Variants in RTTN observed in about 807,000 individuals in gnomAD.
RTTN encodes the protein rotatin.
RTTN carries 182 observed loss-of-function variants against 269.2 expected under a neutral mutation model. The ratio of observed to expected loss-of-function variants is 0.68; its 90% CI spans 0.60 to 0.76. The LOEUF is 0.76. Among genes scored for constraint, RTTN ranks in the 30% least tolerant of loss-of-function variants. RTTN has a pLI of 0.00. For synonymous variants in RTTN, 1,006 were observed against 963.5 expected, an observed-to-expected ratio of 1.04 and a Z score of -0.82; for missense variants, 2,545 against 2,608.6, an observed-to-expected ratio of 0.98 and a Z score of 0.53.
At chr18:70,051,273 A>G (rs1389324362) in intron 39 of RTTN, 138 bp downstream of exon 39, 15 of 1,015,412 alleles carry the variant, frequency 1.5e-5, no homozygotes, top group East Asian at 2.9e-5. Flanking sequence ...AAATTTTTCA[A>G]AGCAAGCACC....
Position 70,017,392 on chromosome 18 carries a change from T to C in RTTN, c.6421+15A>G, listed in dbSNP as rs1186320185. On this transcript the variant is annotated intron_variant, in intron 46 of 48. Coordinates refer to ENST00000640769, the MANE Select transcript of RTTN (RefSeq NM_173630.4). The stretch of plus-strand genomic sequence containing the variant: ...ATAACTACATATATAAATGTATGTG[T>C]GTGTGAAAACTTACCATTAGCCAGG... 3 of 1,608,418 alleles carry C rather than the reference T, an allele frequency of 1.9e-6. No individual in the cohort carries two copies. The highest frequency in any genetic ancestry group is 8.5e-7 in the Non-Finnish European group (1 of 1,175,750).
chr18:70,114,821 G>A (rs976983860), intron 26 of RTTN, among the ~76,000 whole-genome samples: 9 of 151,740 alleles, frequency 5.9e-5, no homozygotes, highest in Admixed American at 3.3e-4. Context: ...AAAAAAGGAC[G>A]AGAAAAACAA....
intron 40 of RTTN, among the ~76,000 whole-genome samples, chr18:70,032,349 T>A (rs776439544): frequency 3.9e-5 from 6 of 152,028 alleles, no homozygotes; most frequent in Non-Finnish European, 7.4e-5. Context: ...ACTAGCAGAG[T>A]GCTCTAGCAG....
At chr18:70,009,036 G>A (rs1044130979) in intron 46 of RTTN, 17 of 152,214 alleles carry the variant, frequency 1.1e-4, no homozygotes, top group African/African-American at 4.1e-4. Flanking sequence ...ACCCACCAAG[G>A]GAAGCCCATC....
intron 32 of RTTN, among the ~76,000 whole-genome samples, chr18:70,076,128 A>G (rs1405212443): frequency 6.6e-6 from 1 of 151,798 alleles, no homozygotes; most frequent in African/African-American, 2.4e-5. Flanking sequence ...CTATTACACA[A>G]TTTTTCTCTT....
chr18:70,046,845 T>C (rs148594108), intron 40 of RTTN, among the ~76,000 whole-genome samples: 4 of 152,304 alleles, frequency 2.6e-5, no homozygotes, highest in Non-Finnish European at 2.9e-5. Flanking sequence ...GGTAACCAGA[T>C]TTTGTAGCAC....
At chr18:70,176,872 A>T in intron 10 of RTTN, 27 bp from the exon 11 acceptor site, 1 of 1,588,196 alleles carries the variant, frequency 6.3e-7, no homozygotes, top group Non-Finnish European at 8.6e-7. Flanking sequence ...AACATGAAAC[A>T]GAAGAAAACA....
intron 14 of RTTN, 87 bp downstream of exon 14, chr18:70,165,975 A>ATTT: frequency 7.5e-7 from 1 of 1,326,568 alleles, no homozygotes; most frequent in Non-Finnish European, 1.0e-6. Flanking sequence ...CTCATACAAA[A>ATTT]GGTCAAGTAA....
chr18:70,022,291 A>G (rs577530297), intron 44 of RTTN, among the ~76,000 whole-genome samples: 1 of 152,094 alleles, frequency 6.6e-6, no homozygotes, highest in East Asian at 1.9e-4. Context: ...GAATTTTCTC[A>G]TCATTCCCAT....
rs140323127 is a variant in RTTN, at chr18:70,190,964, G to C, written c.1008-245C>G. 8.8e-4 allele frequency among the ~76,000 whole-genome samples: 134 copies of C among 152,274 alleles called. 1 individual carries two copies. The East Asian group carries it at 0.02, about 23-fold the overall frequency. On this transcript the variant is annotated intron_variant, in intron 8 of 48. Transcript: ENST00000640769. ...GCACTTTGGGAGGCCAAGGCGGGCA[G>C]ATCACCTGAGGTCAGGAGTTCAAGA... is the stretch of plus-strand genomic sequence containing the variant.
At chr18:70,193,603 T>C (rs142619747) in intron 7 of RTTN, 150 bp from the exon 8 acceptor site, 94 of 577,212 alleles carry the variant, frequency 1.6e-4, no homozygotes, top group African/African-American at 1.6e-3. Context: ...AAGATCAAAC[T>C]TTTCTATAAG....
chr18:70,176,062 T>G (rs1410697222), intron 11 of RTTN, among the ~76,000 whole-genome samples: 1 of 152,086 alleles, frequency 6.6e-6, no homozygotes, highest in Admixed American at 6.6e-5. Context: ...ACCAATTATA[T>G]ATGTATATAT....
chr18:70,087,469 G>GT (rs1182134738), intron 31 of RTTN, among the ~76,000 whole-genome samples: 1 of 150,736 alleles, frequency 6.6e-6, no homozygotes, highest in Non-Finnish European at 1.5e-5. Flanking sequence ...AGGAGCTGCT[G>GT]TTTTTTTTCA....
chr18:70,141,437 G>A (rs1599744161), intron 19 of RTTN, among the ~76,000 whole-genome samples: 1 of 152,130 alleles, frequency 6.6e-6, no homozygotes, highest in South Asian at 2.1e-4. Context: ...GGAATACTAT[G>A]CAGCCATAAA....
In RTTN at chr18:70,040,693, G is replaced by A. The variant is rs148838924; in HGVS notation, c.5541+7278C>T. Among the ~76,000 whole-genome samples, 67 of 152,242 alleles carry A rather than the reference G, an allele frequency of 4.4e-4. 1 individual carries two copies. In the East Asian group the frequency reaches 0.013, roughly 29 times the overall value. ...TACACATTCTTCTCCTCAGCATATG[G>A]ATCATTCTGTAGGATATTCCATATG... On this transcript the variant is annotated intron_variant, in intron 40 of 48. Transcript: ENST00000640769.
At position 70,168,919 on chromosome 18, in the gene RTTN, CGTTT is replaced by C; in HGVS notation, c.1621_1624del (p.Lys541GlufsTer28). 1.2e-6 allele frequency: 2 copies of C among 1,613,262 alleles called. No homozygotes were observed. The highest frequency in any genetic ancestry group is 1.7e-6 in the Non-Finnish European group (2 of 1,179,722). On this transcript the variant is annotated frameshift_variant, in exon 12 of 49. Transcript: ENST00000640769. LOFTEE classifies it high-confidence loss of function. ...AATTGAATAAACGGCCTCTGCAGTT[CGTTT>C]ATAAATACTGTAGTTTTCAGAATTC... is the stretch of plus-strand genomic sequence containing the variant.
chr18:70,063,496 T>C (rs181289328), intron 35 of RTTN, among the ~76,000 whole-genome samples: 4 of 152,194 alleles, frequency 2.6e-5, no homozygotes, highest in Non-Finnish European at 5.9e-5. Context: ...AGTCCAGGTG[T>C]TCGAGACTAC....
At chr18:70,053,977 G>T (rs2057744813) in intron 38 of RTTN, among the ~76,000 whole-genome samples, 154 bp downstream of exon 38, 1 of 152,100 alleles carries the variant, frequency 6.6e-6, no homozygotes, top group Non-Finnish European at 1.5e-5. Context: ...ACCATTAAAA[G>T]GCATCCAAAC....
At chr18:70,056,851 A>G (rs1232898973) in intron 37 of RTTN, among the ~76,000 whole-genome samples, 1 of 152,198 alleles carries the variant, frequency 6.6e-6, no homozygotes. Context: ...TATCATCTTC[A>G]GGCATATATG....
Sources: allele counts gnomAD v4.1 joint callset (sites outside exome capture counted in the v4.1 genomes callset), GRCh38; gene constraint gnomAD v4.1.1; transcripts MANE v1.5; gene names NCBI Gene and HGNC (gene_info 2026-07-23, HGNC 2026-07-21).